KIFAP3: variants seen among roughly 807,000 people sequenced by gnomAD.
The protein encoded by KIFAP3 is kinesin associated protein 3.
In KIFAP3, 68 loss-of-function variants were observed where a neutral mutation model predicts 106.5. That is an observed-to-expected ratio of 0.64 (90% CI 0.53 to 0.78). KIFAP3 has a LOEUF of 0.78. Ranked by LOEUF, KIFAP3 falls within the 30% of genes least tolerant of loss-of-function variation. The probability of loss-of-function intolerance (pLI) is 0.00; values close to 1 mark genes in which losing one functional copy is unlikely to be tolerated. For synonymous variants in KIFAP3, 320 were observed against 311.5 expected, an observed-to-expected ratio of 1.03 and a Z score of -0.29; for missense variants, 780 against 941.8, an observed-to-expected ratio of 0.83 and a Z score of 2.25.
chr1:170,078,734 T>C (rs1193289822), upstream of KIFAP3, among the ~76,000 whole-genome samples: 1 of 152,168 alleles, frequency 6.6e-6, no homozygotes, highest in African/African-American at 2.4e-5. Context: ...ACCAAGCAAG[T>C]AATTAAGATA....
intron 10 of KIFAP3, among the ~76,000 whole-genome samples, chr1:170,004,417 G>A (rs1230266562): frequency 2.0e-5 from 3 of 151,950 alleles, no homozygotes; most frequent in East Asian, 3.9e-4. Context: ...TAAGCCAAAA[G>A]AACAACGCTG....
rs781778644 is a variant in KIFAP3, at chr1:170,046,788, A to G, written c.243T>C (p.Ile81=). ...ARKVVEECKL[I]HPSKLNEVEQ... ...CTACCTCATTTAGTTTTGAAGGATG[A>G]ATGAGTTTACATTCTTCAACCACCT... The change falls in exon 3 of 20, where the codon ATT becomes ATC. Residue 81 remains isoleucine, a synonymous_variant. Transcript: ENST00000361580. 1 of 1,610,918 alleles carries G rather than the reference A, an allele frequency of 6.2e-7. No homozygotes were observed. The highest frequency in any genetic ancestry group is 1.1e-5 in the South Asian group (1 of 90,704).
At chr1:170,025,640 A>T (rs528870978) in intron 8 of KIFAP3, among the ~76,000 whole-genome samples, 1 of 152,304 alleles carries the variant, frequency 6.6e-6, no homozygotes, top group East Asian at 1.9e-4. Flanking sequence ...GAAGTATTAT[A>T]AAAATTTTAC....
chr1:169,933,988 C>T (rs1017503109), intron 19 of KIFAP3, among the ~76,000 whole-genome samples: 3 of 152,064 alleles, frequency 2.0e-5, no homozygotes, highest in African/African-American at 7.2e-5. Context: ...TTTAATATCT[C>T]TATGCCTTGA....
chr1:170,017,574 A>C (rs1668589062), intron 9 of KIFAP3, among the ~76,000 whole-genome samples: 2 of 152,168 alleles, frequency 1.3e-5, no homozygotes, highest in South Asian at 4.1e-4. Flanking sequence ...GAAGACTGGC[A>C]GAAGGCTATA....
Position 170,035,137 on chromosome 1 carries a change from T to G in KIFAP3, c.617+317A>C, listed in dbSNP as rs756408356. On this transcript the variant is annotated intron_variant, in intron 6 of 19. Transcript: ENST00000361580. Reference sequence around the variant, plus strand: ...ACAATAACATTTACTGAGCACTTACTCTGGGTCAGGCTTTATTCTAAGTAT... The same window carrying G: ...ACAATAACATTTACTGAGCACTTACGCTGGGTCAGGCTTTATTCTAAGTAT... Among the ~76,000 whole-genome samples the G allele has an allele frequency of 2.6e-5, 4 of 152,130 alleles. No homozygotes were observed. In the South Asian group the frequency reaches 8.3e-4, roughly 31 times the overall value.
Position 169,980,025 on chromosome 1 carries a change from T to C in KIFAP3, c.1799-1842A>G, listed in dbSNP as rs370805572. Among the ~76,000 whole-genome samples the C allele has an allele frequency of 4.6e-5, 7 of 152,238 alleles. No homozygotes were observed. The East Asian group carries it at 7.7e-4, about 17-fold the overall frequency. ...AACAAAATAAACTAGATTCCACTTATATATTAAAGTTCAAAACCAAGCAAC... is the reference window on the plus strand; with the variant it reads ...AACAAAATAAACTAGATTCCACTTACATATTAAAGTTCAAAACCAAGCAAC... On this transcript the variant is annotated intron_variant, in intron 15 of 19. Coordinates refer to ENST00000361580, the MANE Select transcript of KIFAP3 (RefSeq NM_014970.4).
At chr1:170,038,691 T>C (rs1571711902) in intron 4 of KIFAP3, among the ~76,000 whole-genome samples, 1 of 152,304 alleles carries the variant, frequency 6.6e-6, no homozygotes, top group South Asian at 2.1e-4. Flanking sequence ...TAATAGAAAA[T>C]ATTTGTATCT....
intron 19 of KIFAP3, among the ~76,000 whole-genome samples, chr1:169,928,200 A>G (rs1663251619): frequency 6.6e-6 from 1 of 151,938 alleles, no homozygotes; most frequent in Non-Finnish European, 1.5e-5. Flanking sequence ...CCCAGGTTCA[A>G]GCAATTCTCC....
chr1:170,017,362 C>G (rs529287595), intron 9 of KIFAP3, among the ~76,000 whole-genome samples: 2 of 147,862 alleles, frequency 1.4e-5, no homozygotes, highest in African/African-American at 2.5e-5. Flanking sequence ...ATTGAGAGAA[C>G]TACTAACCCA....
chr1:169,955,111 T>G (rs1405817955), intron 18 of KIFAP3, among the ~76,000 whole-genome samples: 1 of 152,214 alleles, frequency 6.6e-6, no homozygotes, highest in African/African-American at 2.4e-5. Flanking sequence ...TTTCAAAGTT[T>G]CCTTTTCTGA....
chr1:170,064,544 G>A (rs564568552), intron 1 of KIFAP3, among the ~76,000 whole-genome samples: 3 of 152,212 alleles, frequency 2.0e-5, no homozygotes, highest in African/African-American at 7.2e-5. Flanking sequence ...TATAGAGATG[G>A]GGTTTCAACA....
chr1:170,069,274 A>C (rs1236168176), intron 1 of KIFAP3, among the ~76,000 whole-genome samples: 2 of 152,194 alleles, frequency 1.3e-5, no homozygotes, highest in Admixed American at 1.3e-4. Context: ...GAATTCTACC[A>C]AGCATTTAAA....
chr1:170,069,527 T>C (rs958162839), intron 1 of KIFAP3, among the ~76,000 whole-genome samples: 1 of 151,982 alleles, frequency 6.6e-6, no homozygotes, highest in Admixed American at 6.6e-5. Flanking sequence ...GGCATTTCAA[T>C]ACAATACACC....
intron 1 of KIFAP3, among the ~76,000 whole-genome samples, chr1:170,071,781 G>C (rs1052535867): frequency 1.3e-5 from 2 of 152,148 alleles, no homozygotes; most frequent in Admixed American, 6.5e-5. Context: ...CACAATGGGG[G>C]ACCAAGTTTT....
chr1:170,081,343 C>T lies in KIFAP3; in HGVS notation n.174+3692G>A, dbSNP rs1249518026. Reference sequence around the variant, plus strand: ...GGAAATTTAACCACAGTGAAATACACTATTATACACCTATATTAGTTTTCT... The same window carrying T: ...GGAAATTTAACCACAGTGAAATACATTATTATACACCTATATTAGTTTTCT... On this transcript the variant is annotated intron_variant and non_coding_transcript_variant, in intron 1 of 5. Coordinates refer to the KIFAP3 transcript ENST00000490550. Among the ~76,000 whole-genome samples the T allele has an allele frequency of 2.0e-5, 3 of 152,198 alleles. No individual in the cohort carries two copies. The East Asian group carries it at 5.8e-4, about 29-fold the overall frequency.
At chr1:169,927,002 T>TTG (rs1448116225) in intron 19 of KIFAP3, among the ~76,000 whole-genome samples, 2 of 152,184 alleles carry the variant, frequency 1.3e-5, no homozygotes, top group Non-Finnish European at 2.9e-5. Context: ...AATAGTTCAT[T>TTG]CTTTTTATCA....
chr1:170,030,511 C>A (rs1669345877), intron 8 of KIFAP3, among the ~76,000 whole-genome samples: 1 of 151,774 alleles, frequency 6.6e-6, no homozygotes, highest in Non-Finnish European at 1.5e-5. Flanking sequence ...TATGTCCATA[C>A]AAAGACTTGT....
chr1:169,977,643 G>C (rs1666294878), intron 16 of KIFAP3, among the ~76,000 whole-genome samples: 3 of 152,076 alleles, frequency 2.0e-5, no homozygotes, highest in Admixed American at 2.0e-4. Flanking sequence ...GTATCCAAGA[G>C]GCAGTTAGCA....
Sources: allele counts gnomAD v4.1 joint callset (sites outside exome capture counted in the v4.1 genomes callset), GRCh38; gene constraint gnomAD v4.1.1; transcripts MANE v1.5; gene names NCBI Gene and HGNC (gene_info 2026-07-23, HGNC 2026-07-21).